The following PUDP variants were observed in gnomAD, a reference collection of about 807,000 sequenced individuals.
PUDP encodes pseudouridine-5'-phosphatase.
A neutral mutation model predicts 9.4 loss-of-function variants in PUDP; 8 were observed. That is an observed-to-expected ratio of 0.85 (90% CI 0.50 to 1.53). The LOEUF is 1.53. Ranked by LOEUF, PUDP falls within the 40% of genes most tolerant of loss-of-function variation. PUDP has a pLI of 0.00. For synonymous variants in PUDP, 99 were observed against 80.7 expected (o/e 1.23, Z -1.22); for missense variants, 188 against 189.7 (o/e 0.99, Z 0.05).
intron 2 of PUDP, among the ~76,000 whole-genome samples, chrX:7,087,644 A>G (rs1188820531): frequency 3.6e-5 from 4 of 112,566 alleles, no homozygotes; most frequent in Non-Finnish European, 7.5e-5. Context: ...ATGGGGAGAC[A>G]GTGTGGGAAA....
At chrX:6,958,742 T>C (rs1928664506) in intron 3 of PUDP, among the ~76,000 whole-genome samples, 1 of 29,535 alleles carries the variant, frequency 3.4e-5, no homozygotes, top group African/African-American at 1.2e-4. Flanking sequence ...TGAAATGCCA[T>C]CTCAAAAAAA....
At chrX:7,132,850 T>C (rs921444708) in intron 1 of PUDP, among the ~76,000 whole-genome samples, 3 of 111,376 alleles carry the variant, frequency 2.7e-5, no homozygotes, top group Non-Finnish European at 5.6e-5. Flanking sequence ...GATTTCACCC[T>C]CATGAGCATC....
chrX:6,746,119 A>T (rs976251280), intron 3 of PUDP, among the ~76,000 whole-genome samples: 2 of 112,323 alleles, frequency 1.8e-5, no homozygotes, highest in African/African-American at 6.5e-5. Flanking sequence ...GGCTGTTTAA[A>T]TTGGAAGAAC....
intron 3 of PUDP, among the ~76,000 whole-genome samples, chrX:6,821,111 TCC>T (rs1926335127): frequency 9.0e-6 from 1 of 110,926 alleles, no homozygotes; most frequent in Non-Finnish European, 1.9e-5. Flanking sequence ...GGTTGGAACT[TCC>T]ACCCAGGGGA....
intron 3 of PUDP, among the ~76,000 whole-genome samples, chrX:6,760,684 A>C (rs1925219876): frequency 8.9e-6 from 1 of 112,282 alleles, no homozygotes; most frequent in Non-Finnish European, 1.9e-5. Flanking sequence ...GGCATACTTC[A>C]TGGACAAAAT....
At chrX:6,874,130 T>A (rs1413768787) in intron 3 of PUDP, among the ~76,000 whole-genome samples, 4 of 79,423 alleles carry the variant, frequency 5.0e-5, no homozygotes, top group Admixed American at 1.6e-4. Context: ...AGAGACCCCA[T>A]CTCTTAAAAA....
chrX:6,776,465 A>G (rs1033362380), intron 3 of PUDP, among the ~76,000 whole-genome samples: 2 of 111,308 alleles, frequency 1.8e-5, no homozygotes, highest in African/African-American at 6.5e-5. Context: ...CGGGATGCAG[A>G]GTTTGCAGTG....
At chrX:7,114,378 GCCT>G (rs1454370717) in intron 1 of PUDP, among the ~76,000 whole-genome samples, 1 of 111,302 alleles carries the variant, frequency 9.0e-6, no homozygotes, top group African/African-American at 3.3e-5. Flanking sequence ...ACAGTGCCCA[GCCT>G]CCTCCTCTTC....
intron 3 of PUDP, among the ~76,000 whole-genome samples, chrX:6,873,205 T>C (rs1001399583): frequency 8.9e-6 from 1 of 111,822 alleles, no homozygotes; most frequent in Non-Finnish European, 1.9e-5. Flanking sequence ...TATTTAATAT[T>C]AACTAGCTTT....
At chrX:7,006,856 A>G (rs1199878422) in intron 1 of PUDP, among the ~76,000 whole-genome samples, 2 of 111,704 alleles carry the variant, frequency 1.8e-5, no homozygotes, top group Non-Finnish European at 3.8e-5. Flanking sequence ...AGGTGATTCT[A>G]ACATGCAGAA....
At chrX:6,983,957 C>T (rs774010720) in intron 1 of PUDP, among the ~76,000 whole-genome samples, 4 of 112,517 alleles carry the variant, frequency 3.6e-5, no homozygotes, top group Non-Finnish European at 7.5e-5. Context: ...CCCACTCCCA[C>T]ACTGTGGAGT....
intron 3 of PUDP, among the ~76,000 whole-genome samples, chrX:6,889,220 G>A (rs1241100054): frequency 8.9e-6 from 1 of 112,229 alleles, no homozygotes; most frequent in African/African-American, 3.2e-5. Flanking sequence ...CTCTCTGCAT[G>A]AATGTGACAG....
At chrX:6,710,738 G>C (rs1323408846) in intron 1 of PUDP, among the ~76,000 whole-genome samples, 4 of 112,228 alleles carry the variant, frequency 3.6e-5, no homozygotes, top group Admixed American at 2.8e-4. Context: ...CGACCAAACA[G>C]TAGGAGCACA....
chrX:6,886,773 A>T (rs1392172672), intron 3 of PUDP, among the ~76,000 whole-genome samples: 1 of 111,018 alleles, frequency 9.0e-6, no homozygotes, highest in East Asian at 2.8e-4. Flanking sequence ...TTTTATAATT[A>T]AAAATTGAGT....
chrX:7,009,152 G>A (rs1343748022), intron 1 of PUDP, among the ~76,000 whole-genome samples: 2 of 112,518 alleles, frequency 1.8e-5, no homozygotes, highest in Non-Finnish European at 3.8e-5. Context: ...ACTACAGATA[G>A]AAATGAAAAT....
chrX:6,874,446 T>G (rs931765240), intron 3 of PUDP, among the ~76,000 whole-genome samples: 2 of 112,402 alleles, frequency 1.8e-5, no homozygotes, highest in African/African-American at 6.5e-5. Context: ...AGACCACCAA[T>G]AGAGATGTAA....
intron 3 of PUDP, among the ~76,000 whole-genome samples, chrX:7,052,787 G>A (rs993068197): frequency 9.0e-6 from 1 of 111,232 alleles, no homozygotes; most frequent in African/African-American, 3.3e-5. Flanking sequence ...AGGATGTTCC[G>A]TGCTACACCC....
intron 3 of PUDP, among the ~76,000 whole-genome samples, chrX:6,877,265 A>T (rs189207541): frequency 9.0e-6 from 1 of 111,390 alleles, no homozygotes. Context: ...CCAGCCAAGC[A>T]TCTGTATATT....
Position 6,994,263 on chromosome X carries a change from AATAGCTGGGCAT to A in PUDP, c.205-15932_205-15921del, listed in dbSNP as rs752264007. Among the ~76,000 whole-genome samples the A allele has an allele frequency of 7.5e-4, 83 of 110,780 alleles. No homozygotes were observed. In the East Asian group the frequency reaches 8.3e-3, roughly 11 times the overall value. ...CCCTGTCTCCTCATAAAACAGAAAAAATAGCTGGGCATAGTGGCATGCATCTGTAGTCGCAGC... is the reference window on the plus strand; with the variant it reads ...CCCTGTCTCCTCATAAAACAGAAAAAAGTGGCATGCATCTGTAGTCGCAGC... On this transcript the variant is annotated intron_variant and NMD_transcript_variant, in intron 1 of 3. Transcript: ENST00000655425.
Sources: allele counts gnomAD v4.1 joint callset (sites outside exome capture counted in the v4.1 genomes callset), GRCh38; gene constraint gnomAD v4.1.1; transcripts MANE v1.5; gene names NCBI Gene and HGNC (gene_info 2026-07-23, HGNC 2026-07-21).